The following TSPAN4 variants were observed in gnomAD, a reference collection of about 807,000 sequenced individuals.
TSPAN4 encodes the protein tetraspanin 4.
Under a neutral mutation model 31.5 loss-of-function variants are expected in TSPAN4, and 38 were observed. That is an observed-to-expected ratio of 1.21 (90% CI 0.93 to 1.58). TSPAN4 has a LOEUF of 1.58. TSPAN4 is among the 40% of genes most tolerant of loss of function. The pLI is 0.00. For missense variants in TSPAN4, 330 were observed against 317.3 expected (o/e 1.04, Z -0.30); for synonymous variants, 186 against 144.6 (o/e 1.29, Z -2.06).
At position 866,825 on chromosome 11, in the gene TSPAN4, C is replaced by T. The variant is rs1848881360; in HGVS notation, c.*195C>T. ...GGTGGCTTCAGGGCCTCCGGACCCC[C>T]CCTGGGAGGGGTGGCCACGTGCTGG... On this transcript the variant is annotated 3_prime_UTR_variant, in exon 9 of 9. Transcript: ENST00000397397. 3.5e-6 allele frequency: 2 copies of T among 578,170 alleles called. No homozygotes were observed. The highest frequency in any genetic ancestry group is 2.4e-5 in the South Asian group (1 of 42,340). 35.8% of individuals were successfully genotyped at this position (578,170 alleles called of 1,614,324 possible).
intron 5 of TSPAN4, 78 bp downstream of exon 5, chr11:864,589 G>A (rs1388597995): frequency 3.8e-6 from 6 of 1,567,160 alleles, no homozygotes; most frequent in African/African-American, 2.7e-5. Context: ...TGTGGGCCCG[G>A]TGTGGACAGA....
In TSPAN4 at chr11:865,308, G is replaced by C. The variant is rs573472996; in HGVS notation, c.331-205G>C. 2.4e-5 allele frequency: 14 copies of C among 586,788 alleles called. No homozygotes were observed. In the South Asian group the frequency reaches 2.8e-4, roughly 12 times the overall value. 36.3% of individuals were successfully genotyped at this position (586,788 alleles called of 1,614,324 possible). On this transcript the variant is annotated intron_variant, in intron 5 of 8. Transcript: ENST00000397397. ...ACCCATGGTCCTCCCCCAGCCTGGG[G>C]AGGAAGCCCAGAGGTGGGGGCCCTG...
At chr11:843,172 G>C (rs1369259547) in intron 1 of TSPAN4, 2 of 152,232 alleles carry the variant, frequency 1.3e-5, no homozygotes, top group African/African-American at 4.8e-5. Flanking sequence ...GGGTGTCCGG[G>C]GCTCTCGGCG....
intron 3 of TSPAN4, among the ~76,000 whole-genome samples, chr11:856,493 G>A (rs545336292): frequency 6.1e-4 from 93 of 152,356 alleles, no homozygotes; most frequent in African/African-American, 2.1e-3. Flanking sequence ...TCATTCCTAG[G>A]GTTCCTCTCC....
intron 3 of TSPAN4, among the ~76,000 whole-genome samples, chr11:851,518 AG>A (rs1235701608): frequency 6.6e-6 from 1 of 152,222 alleles, no homozygotes; most frequent in South Asian, 2.1e-4. Flanking sequence ...GGGTGGAGGC[AG>A]GGGGGTCCCT....
chr11:845,357 G>A (rs1847255084), intron 1 of TSPAN4, among the ~76,000 whole-genome samples: 1 of 152,000 alleles, frequency 6.6e-6, no homozygotes, highest in African/African-American at 2.4e-5. Context: ...GGAGACTGGC[G>A]TTGTGAGCAG....
At chr11:856,538 G>C (rs1305961760) in intron 3 of TSPAN4, among the ~76,000 whole-genome samples, 1 of 152,242 alleles carries the variant, frequency 6.6e-6, no homozygotes, top group Non-Finnish European at 1.5e-5. Context: ...CCTCCCACCT[G>C]AGCTTGTGTC....
At chr11:857,916 TGGACCCAG>T (rs1196448924) in intron 3 of TSPAN4, 1 of 152,312 alleles carries the variant, frequency 6.6e-6, no homozygotes, top group African/African-American at 2.4e-5. Flanking sequence ...CCTGGTGATC[TGGACCCAG>T]GGCCATATCC....
chr11:851,329 C>T (rs1847703807), intron 3 of TSPAN4, among the ~76,000 whole-genome samples: 1 of 152,154 alleles, frequency 6.6e-6, no homozygotes, highest in Non-Finnish European at 1.5e-5. Context: ...ATTCTTAATT[C>T]CTGAACCAGC....
intron 2 of TSPAN4, chr11:849,870 C>T (rs1423766348): frequency 8.1e-5 from 12 of 147,898 alleles, no homozygotes; most frequent in African/African-American, 2.9e-4. Flanking sequence ...GTTTGGGTTC[C>T]GCCGCCGGGG....
At chr11:863,330 AGGCCGTGGGCC>A (rs1848580605) in intron 4 of TSPAN4, 1 of 152,246 alleles carries the variant, frequency 6.6e-6, no homozygotes, top group East Asian at 1.9e-4. Context: ...TGCCTGGCCG[AGGCCGTGGGCC>A]CTGCGGAGGG....
At chr11:865,350 G>A in intron 5 of TSPAN4, 163 bp from the exon 6 acceptor site, 1 of 620,446 alleles carries the variant, frequency 1.6e-6, no homozygotes, top group Non-Finnish European at 2.9e-6. Flanking sequence ...AGGGCTGCTG[G>A]GAGGACATGG....
chr11:847,951 G>A (rs985734543), intron 2 of TSPAN4, among the ~76,000 whole-genome samples: 2 of 152,220 alleles, frequency 1.3e-5, no homozygotes, highest in South Asian at 2.1e-4. Context: ...GGGGTGGCTC[G>A]GGTGGTGTTT....
chr11:846,959 G>C (rs1212956040), intron 1 of TSPAN4, among the ~76,000 whole-genome samples: 2 of 152,194 alleles, frequency 1.3e-5, no homozygotes, highest in Non-Finnish European at 2.9e-5. Context: ...CTGTCTCAGA[G>C]CCCTGAAGGA....
At chr11:860,849 A>G (rs1848415225) in intron 3 of TSPAN4, among the ~76,000 whole-genome samples, 1 of 152,130 alleles carries the variant, frequency 6.6e-6, no homozygotes, top group Non-Finnish European at 1.5e-5. Flanking sequence ...TGTCCAGTCC[A>G]GGGTGGGGCA....
At chr11:849,664 G>C (rs945256619) in intron 2 of TSPAN4, among the ~76,000 whole-genome samples, 2 of 151,832 alleles carry the variant, frequency 1.3e-5, no homozygotes, top group Non-Finnish European at 2.9e-5. Context: ...GGGCGAAGGG[G>C]CCGGGGTCGC....
Position 862,757 on chromosome 11 carries a change from C to T in TSPAN4, c.255+16C>T. The stretch of plus-strand genomic sequence containing the variant: ...CCTGCTCACTGTGAGTGCCGGGGCC[C>T]AAGCGATGCTCCGGGTGGGACCACG... On this transcript the variant is annotated intron_variant, in intron 4 of 8. Coordinates refer to ENST00000397397, the MANE Select transcript of TSPAN4 (RefSeq NM_003271.5). 6.2e-7 allele frequency: 1 copy of T among 1,601,650 alleles called. No homozygotes were observed. The highest frequency in any genetic ancestry group is 8.5e-7 in the Non-Finnish European group (1 of 1,173,822).
chr11:862,614 C>A lies in TSPAN4; in HGVS notation c.128C>A (p.Thr43Lys). The A allele has an allele frequency of 2.5e-6, 4 of 1,613,228 alleles. No individual in the cohort carries two copies. Among genetic ancestry groups the A allele is most frequent in the Non-Finnish European group, 3.4e-6 (4 of 1,179,860 alleles). ...WLAATQGSFA[T>K]LSSSFPSLSA... Reference sequence around the variant, plus strand: ...GCCGCCACACAGGGGAGCTTCGCCACGCTGTCCTCTTCCTTCCCGTCCCTG... The same window carrying A: ...GCCGCCACACAGGGGAGCTTCGCCAAGCTGTCCTCTTCCTTCCCGTCCCTG... Residue 43 changes from threonine to lysine, a missense_variant, in exon 4 of 9, where the codon ACG (threonine) becomes AAG (lysine). Coordinates refer to ENST00000397397, the MANE Select transcript of TSPAN4 (RefSeq NM_003271.5).
At chr11:852,825 G>A (rs527423008) in intron 3 of TSPAN4, among the ~76,000 whole-genome samples, 144 of 152,326 alleles carry the variant, frequency 9.5e-4, no homozygotes, top group Non-Finnish European at 1.6e-3. Context: ...TCTCAGGGGC[G>A]AAGTTCAGGG....
Sources: allele counts gnomAD v4.1 joint callset (sites outside exome capture counted in the v4.1 genomes callset), GRCh38; gene constraint gnomAD v4.1.1; transcripts MANE v1.5; gene names NCBI Gene and HGNC (gene_info 2026-07-23, HGNC 2026-07-21).